Variants in MYO18B observed in about 807,000 individuals in gnomAD.
The protein encoded by MYO18B is myosin XVIIIB, also known as unconventional myosin-XVIIIb.
MYO18B carries 204 observed loss-of-function variants against 273.0 expected under a neutral mutation model. That is an observed-to-expected ratio of 0.75 (90% CI 0.67 to 0.84). MYO18B has a LOEUF of 0.84. MYO18B is among the 40% of genes least tolerant of loss of function. MYO18B has a pLI of 0.00. For missense variants in MYO18B, 3,212 were observed against 3,287.6 expected (o/e 0.98, Z 0.56); for synonymous variants, 1,330 against 1,305.7 (o/e 1.02, Z -0.40).
At chr22:25,974,553 G>T (rs2093068640) in intron 39 of MYO18B, among the ~76,000 whole-genome samples, 1 of 152,142 alleles carries the variant, frequency 6.6e-6, no homozygotes, top group Non-Finnish European at 1.5e-5. Context: ...TTTCAGTTTT[G>T]CAAACCATAG....
intron 25 of MYO18B, among the ~76,000 whole-genome samples, chr22:25,880,317 A>T (rs1167429577): frequency 1.3e-5 from 2 of 152,212 alleles, no homozygotes; most frequent in Non-Finnish European, 2.9e-5. Context: ...GTAGGCCAAG[A>T]TTAGGGTGAG....
intron 36 of MYO18B, among the ~76,000 whole-genome samples, chr22:25,948,042 C>T (rs1347384791): frequency 6.6e-6 from 1 of 152,174 alleles, no homozygotes; most frequent in East Asian, 1.9e-4. Context: ...GACGTGTCCA[C>T]CATGAAAGAT....
At chr22:26,052,040 T>C in the MYO18B span, among the ~76,000 whole-genome samples, 1 of 152,242 alleles carries the variant, frequency 6.6e-6, no homozygotes, top group South Asian at 2.1e-4. Context: ...TCCTTGCATA[T>C]GCATCTTTGG....
chr22:25,766,841 A>T (rs1183032598), intron 3 of MYO18B, among the ~76,000 whole-genome samples: 1 of 152,250 alleles, frequency 6.6e-6, no homozygotes, highest in Non-Finnish European at 1.5e-5. Flanking sequence ...AGCTACCCAA[A>T]TCTTTTGATC....
At chr22:25,748,082 C>A (rs55722446) in intron 1 of MYO18B, among the ~76,000 whole-genome samples, 3,517 of 152,284 alleles carry the variant, frequency 0.023, 165 homozygotes, top group African/African-American at 0.08. Context: ...GGAGACTGAG[C>A]ATTGTTCTGA....
At chr22:25,863,724 C>T (rs968475903) in intron 21 of MYO18B, among the ~76,000 whole-genome samples, 1 of 152,156 alleles carries the variant, frequency 6.6e-6, no homozygotes, top group African/African-American at 2.4e-5. Context: ...CAGGCAGTTC[C>T]CAGTTATGCT....
intron 7 of MYO18B, among the ~76,000 whole-genome samples, chr22:25,775,002 T>C (rs2086862992): frequency 6.6e-6 from 1 of 152,260 alleles, no homozygotes; most frequent in Admixed American, 6.5e-5. Flanking sequence ...AAGGCATGTG[T>C]GCATGCATGC....
intron 42 of MYO18B, among the ~76,000 whole-genome samples, chr22:26,015,327 T>C (rs764252097): frequency 1.3e-5 from 2 of 152,188 alleles, no homozygotes; most frequent in Non-Finnish European, 2.9e-5. Context: ...ATAAATTGTT[T>C]TACCGTAAAG....
chr22:25,781,684 T>C lies in MYO18B; in HGVS notation c.2212-50T>C, dbSNP rs375783942. ...TCTGGGTAGCTGCACTTCAGGCATG[T>C]GCAGATGTACCCAAAGCACTGACTG... On this transcript the variant is annotated intron_variant, in intron 9 of 43. Transcript: ENST00000335473. 13 of 1,281,076 alleles carry C rather than the reference T, an allele frequency of 1.0e-5. No individual in the cohort carries two copies. In the African/African-American group the frequency reaches 1.8e-4, roughly 18 times the overall value. The allele number at this position is 1,281,076 out of a possible 1,614,324, so 79.4% of individuals were successfully genotyped here.
chr22:25,827,965 A>G (rs1053780915), intron 14 of MYO18B, among the ~76,000 whole-genome samples: 10 of 152,210 alleles, frequency 6.6e-5, no homozygotes, highest in African/African-American at 2.4e-4. Flanking sequence ...GGCTGCTCTT[A>G]TTATCCCCAT....
chr22:25,981,575 A>G (rs983014631), intron 39 of MYO18B, among the ~76,000 whole-genome samples: 1 of 152,180 alleles, frequency 6.6e-6, no homozygotes, highest in Non-Finnish European at 1.5e-5. Flanking sequence ...CCCCATCTCT[A>G]CAAAAATAAA....
At chr22:25,902,481 T>C in intron 29 of MYO18B, 132 bp from the exon 30 acceptor site, 1 of 1,029,288 alleles carries the variant, frequency 9.7e-7, no homozygotes. Context: ...CTATCTCTCT[T>C]CTTCCTTTTG....
At chr22:25,801,351 AC>A (rs1170305351) in intron 12 of MYO18B, among the ~76,000 whole-genome samples, 1 of 152,158 alleles carries the variant, frequency 6.6e-6, no homozygotes, top group African/African-American at 2.4e-5. Context: ...AAGCACTTAT[AC>A]CTCTATTATG....
At chr22:25,902,768 C>T in intron 30 of MYO18B, 32 bp downstream of exon 30, 1 of 1,554,822 alleles carries the variant, frequency 6.4e-7, no homozygotes, top group Non-Finnish European at 8.7e-7. Context: ...GCTATCTTGG[C>T]TCTTGGTGGC....
At chr22:26,060,260 A>G in the MYO18B span, among the ~76,000 whole-genome samples, 14 of 152,248 alleles carry the variant, frequency 9.2e-5, no homozygotes, top group African/African-American at 3.4e-4. Flanking sequence ...AGATTTGAGT[A>G]GCTGCAGCAG....
chr22:25,845,979 G>A (rs2090229245), intron 18 of MYO18B, 121 bp from the exon 19 acceptor site: 2 of 828,826 alleles, frequency 2.4e-6, no homozygotes, highest in African/African-American at 3.6e-5. Flanking sequence ...TGACTGTAGA[G>A]GAGGCTTTAG....
intron 40 of MYO18B, 46 bp from the exon 41 acceptor site, chr22:26,003,219 C>T: frequency 6.4e-7 from 1 of 1,560,284 alleles, no homozygotes; most frequent in Non-Finnish European, 8.7e-7. Flanking sequence ...CTTCCAAGCC[C>T]CTGGCAGCAC....
chr22:25,962,342 C>T (rs2092926968), intron 39 of MYO18B, among the ~76,000 whole-genome samples: 1 of 152,106 alleles, frequency 6.6e-6, no homozygotes, highest in Non-Finnish European at 1.5e-5. Flanking sequence ...AGAGAGAAAC[C>T]CTGAGAGAAG....
At chr22:25,918,498 TA>T (rs1249416213) in intron 33 of MYO18B, among the ~76,000 whole-genome samples, 1 of 152,252 alleles carries the variant, frequency 6.6e-6, no homozygotes, top group African/African-American at 2.4e-5. Context: ...TATTTCCCAT[TA>T]ACCTAATGAG....
Sources: allele counts gnomAD v4.1 joint callset (sites outside exome capture counted in the v4.1 genomes callset), GRCh38; gene constraint gnomAD v4.1.1; transcripts MANE v1.5; gene names NCBI Gene and HGNC (gene_info 2026-07-23, HGNC 2026-07-21).